OSBPL10: variants seen among roughly 807,000 people sequenced by gnomAD.
OSBPL10 encodes oxysterol binding protein like 10, also known as oxysterol-binding protein-related protein 10.
In OSBPL10, 49 loss-of-function variants were observed where a neutral mutation model predicts 81.7. That is an observed-to-expected ratio of 0.60 (90% confidence interval 0.48 to 0.76). The LOEUF is 0.76. Among genes scored for constraint, OSBPL10 ranks in the 30% least tolerant of loss-of-function variants. The probability of loss-of-function intolerance (pLI) is 0.00; values close to 1 mark genes in which losing one functional copy is unlikely to be tolerated. For missense variants in OSBPL10, 923 were observed against 987.8 expected, an observed-to-expected ratio of 0.93 and a Z score of 0.88; for synonymous variants, 419 against 383.6, an observed-to-expected ratio of 1.09 and a Z score of -1.08.
intron 11 of OSBPL10, chr3:31,663,118 T>C: frequency 1.0e-6 from 1 of 985,420 alleles, no homozygotes; most frequent in South Asian, 4.7e-5. Flanking sequence ...CAGCCTCGTA[T>C]ATAGACAGAA....
chr3:32,014,313 T>G (rs1232414485), intron 2 of OSBPL10, among the ~76,000 whole-genome samples: 1 of 152,124 alleles, frequency 6.6e-6, no homozygotes, highest in Non-Finnish European at 1.5e-5. Flanking sequence ...ATAAACGTAA[T>G]CCAGCATATA....
chr3:32,021,856 G>A (rs1375955302), intron 2 of OSBPL10, among the ~76,000 whole-genome samples: 1 of 151,916 alleles, frequency 6.6e-6, no homozygotes, highest in African/African-American at 2.4e-5. Flanking sequence ...GTGCATGACT[G>A]TAGTCTCAGC....
chr3:32,057,825 A>G (rs1222583250), intron 1 of OSBPL10, among the ~76,000 whole-genome samples: 1 of 152,206 alleles, frequency 6.6e-6, no homozygotes, highest in Non-Finnish European at 1.5e-5. Flanking sequence ...CAAGAGTAAC[A>G]TAGAGGCCCT....
At chr3:31,892,625 G>A (rs1323703709) in intron 1 of OSBPL10, among the ~76,000 whole-genome samples, 1 of 152,212 alleles carries the variant, frequency 6.6e-6, no homozygotes, top group East Asian at 1.9e-4. Context: ...GCAGAGCTTG[G>A]GGATCATGCC....
chr3:31,679,171 A>G (rs1053528912), intron 8 of OSBPL10, among the ~76,000 whole-genome samples: 1 of 152,100 alleles, frequency 6.6e-6, no homozygotes, highest in Non-Finnish European at 1.5e-5. Context: ...TTTTTTGCAT[A>G]GAAGACCCCT....
At chr3:31,801,740 A>ATATCAACTTCT (rs1699385764) in intron 4 of OSBPL10, among the ~76,000 whole-genome samples, 2 of 152,220 alleles carry the variant, frequency 1.3e-5, no homozygotes, top group African/African-American at 4.8e-5. Flanking sequence ...TAGGAGGTCT[A>ATATCAACTTCT]TATCAACTTC....
chr3:31,757,206 T>G (rs1697914076), intron 4 of OSBPL10, among the ~76,000 whole-genome samples: 1 of 152,224 alleles, frequency 6.6e-6, no homozygotes, highest in Non-Finnish European at 1.5e-5. Flanking sequence ...TATCTTAGAA[T>G]AGAACCCTAT....
intron 5 of OSBPL10, among the ~76,000 whole-genome samples, chr3:31,735,946 C>T (rs1697144630): frequency 6.6e-6 from 1 of 152,132 alleles, no homozygotes; most frequent in Non-Finnish European, 1.5e-5. Context: ...GTCCCCAGAA[C>T]CATGAACATG....
At chr3:31,965,728 T>A (rs1469982415) in intron 1 of OSBPL10, among the ~76,000 whole-genome samples, 2 of 73,678 alleles carry the variant, frequency 2.7e-5, no homozygotes, top group Non-Finnish European at 4.5e-5. Context: ...TAATATAATA[T>A]ATATTATCTA....
chr3:31,987,082 T>C (rs1698944323), intron 2 of OSBPL10, among the ~76,000 whole-genome samples: 1 of 150,918 alleles, frequency 6.6e-6, no homozygotes, highest in South Asian at 2.1e-4. Flanking sequence ...ATATATACTT[T>C]TATATATGTA....
intron 5 of OSBPL10, among the ~76,000 whole-genome samples, chr3:31,741,926 G>A (rs1411366372): frequency 1.3e-5 from 2 of 152,152 alleles, no homozygotes; most frequent in Non-Finnish European, 2.9e-5. Context: ...CACATAAGAT[G>A]TGACTTGCTT....
In OSBPL10 at chr3:31,747,397, T is replaced by C. The variant is rs118181081; in HGVS notation, c.940+513A>G. 6.2e-4 allele frequency among the ~76,000 whole-genome samples: 94 copies of C among 151,734 alleles called. 2 individuals are homozygous for C. In the East Asian group the frequency reaches 0.017, roughly 28 times the overall value. On this transcript the variant is annotated intron_variant, in intron 5 of 11. Coordinates refer to ENST00000396556, the MANE Select transcript of OSBPL10 (RefSeq NM_017784.5). ...ATGGACCCATAGGGTTTCTTTACTA[T>C]GTTCTCTGCTTTTATTTACATTTGA...
intron 1 of OSBPL10, among the ~76,000 whole-genome samples, chr3:31,945,023 CAT>C (rs1176559813): frequency 2.0e-5 from 3 of 151,158 alleles, no homozygotes; most frequent in East Asian, 1.9e-4. Context: ...TGGTGGCACA[CAT>C]GTGTAGTCCC....
At chr3:31,687,893 AAAT>A (rs34327662) in intron 7 of OSBPL10, among the ~76,000 whole-genome samples, 87,470 of 143,660 alleles carry the variant, frequency 0.61, 28,034 homozygotes, top group East Asian at 0.85. Context: ...CCATCACTAC[AAAT>A]AATAATAATA....
At chr3:31,745,066 T>G (rs753826282) in intron 5 of OSBPL10, among the ~76,000 whole-genome samples, 1 of 152,184 alleles carries the variant, frequency 6.6e-6, no homozygotes, top group Non-Finnish European at 1.5e-5. Context: ...TCATTGAGCT[T>G]CCGCATTTGA....
intron 1 of OSBPL10, chr3:32,077,296 G>A (rs1699883295): frequency 1.3e-5 from 2 of 152,142 alleles, no homozygotes; most frequent in Admixed American, 1.3e-4. Flanking sequence ...TCTGCTCTGA[G>A]AGTGCCTGTG....
chr3:31,822,237 T>C (rs563562965), intron 4 of OSBPL10: 39 of 152,216 alleles, frequency 2.6e-4, no homozygotes, highest in African/African-American at 9.2e-4. Context: ...GTCAGGAGAG[T>C]GTGTACCTGG....
intron 1 of OSBPL10, among the ~76,000 whole-genome samples, chr3:31,934,596 G>A (rs1336140069): frequency 6.6e-6 from 1 of 151,650 alleles, no homozygotes; most frequent in East Asian, 1.9e-4. Flanking sequence ...TAGTAAAGAT[G>A]GGGTTTCACC....
chr3:31,965,638 T>A (rs1241367594), intron 1 of OSBPL10, among the ~76,000 whole-genome samples: 3 of 77,834 alleles, frequency 3.9e-5, no homozygotes, highest in Non-Finnish European at 6.5e-5. Flanking sequence ...TATAATATAT[T>A]ATATAAATTA....
Sources: gnomAD v4.1 joint callset for allele counts (sites outside exome capture counted in the v4.1 genomes callset) on GRCh38, gnomAD v4.1.1 for gene constraint, MANE v1.5 for transcripts, NCBI Gene and HGNC (gene_info 2026-07-23, HGNC 2026-07-21) for gene names.